The following AGRN variants were observed in gnomAD, a reference collection of about 807,000 sequenced individuals.
AGRN encodes agrin proteoglycan.
A neutral mutation model predicts 211.0 loss-of-function variants in AGRN; 106 were observed. The observed-to-expected ratio is 0.50, with a 90% CI of 0.43 to 0.59. The LOEUF is 0.59. Ranked by LOEUF, AGRN falls within the 20% of genes least tolerant of loss-of-function variation. The pLI is 0.00. For missense variants in AGRN, 3,040 were observed against 2,982.6 expected (o/e 1.02, Z -0.45); for synonymous variants, 1,525 against 1,332.5 (o/e 1.14, Z -3.15).
intron 35 of AGRN, 83 bp from the exon 36 acceptor site, chr1:1,054,741 C>T (rs1645405642): frequency 5.9e-6 from 9 of 1,522,210 alleles, no homozygotes; most frequent in Non-Finnish European, 7.0e-6. Flanking sequence ...CAGGTGTGGG[C>T]CCCCTGCTGG....
In AGRN at chr1:1,041,583, A is replaced by T; in HGVS notation, c.1058A>T (p.Gln353Leu). The T allele has an allele frequency of 6.2e-7, 1 of 1,606,078 alleles. No individual in the cohort carries two copies. Among genetic ancestry groups the T allele is most frequent in the African/African-American group, 1.3e-5 (1 of 74,470 alleles). The change falls in exon 6 of 36, where the codon CAG becomes CTG. Residue 353 changes from glutamine to leucine, a missense_variant. Transcript: ENST00000379370. ...LLRPESCPAR[Q>L]APVCGDDGVT... ...CGGCCCGAGAGCTGCCCTGCCCGGC[A>T]GGCGCCAGTGTGTGGGGACGACGGA...
At chr1:1,053,687 C>G in intron 33 of AGRN, 66 bp from the exon 34 acceptor site, 1 of 1,441,560 alleles carries the variant, frequency 6.9e-7, no homozygotes, top group Non-Finnish European at 9.5e-7. Flanking sequence ...CCCTTGTCCT[C>G]CCGCCTCCCC....
Position 1,053,855 on chromosome 1 carries a change from T to C in AGRN, c.5754T>C (p.Tyr1918=), listed in dbSNP as rs748686387. Residue 1918 remains tyrosine (Y), a synonymous_variant, in exon 34 of 36, where the codon TAT becomes TAC. Coordinates refer to ENST00000379370, the MANE Select transcript of AGRN (RefSeq NM_198576.4). ...WSGKATERAD[Y]VALAIVDGHL... is the part of the protein sequence containing the mutation. ...GCAAGGCCACGGAGCGGGCAGACTA[T>C]GTGGCACTGGCCATTGTGGACGGGC... 1 of 1,610,750 alleles carries C rather than the reference T, an allele frequency of 6.2e-7. No homozygotes were observed. Among genetic ancestry groups the C allele is most frequent in the Non-Finnish European group, 8.5e-7 (1 of 1,179,220 alleles).
chr1:1,038,893 G>A (rs1644861540), intron 3 of AGRN, among the ~76,000 whole-genome samples: 1 of 152,218 alleles, frequency 6.6e-6, no homozygotes, highest in Admixed American at 6.5e-5. Context: ...GAAAGGGCCA[G>A]GGGTGCATGT....
Position 1,046,574 on chromosome 1 carries a change from TC to T in AGRN, c.3093del (p.Arg1032GlyfsTer8). ...TCACGACCTCGGACCACTGCCAGCG[TC>T]CCCAGGACCACCGTGTGGCCCGTGC... ...PSSRPRTTAS[V>X]PRTTVWPVLT... On this transcript the variant is annotated frameshift_variant, in exon 18 of 36. Coordinates refer to ENST00000379370, the MANE Select transcript of AGRN (RefSeq NM_198576.4). LOFTEE classifies it high-confidence loss of function. 1 of 1,607,774 alleles carries T rather than the reference TC, an allele frequency of 6.2e-7. No homozygotes were observed.
rs146501365 is a variant in AGRN, at chr1:1,021,432, C to G, written c.202-769C>G. Among the ~76,000 whole-genome samples, 757 of 152,352 alleles carry G rather than the reference C, an allele frequency of 5.0e-3. 9 individuals carry two copies. Among genetic ancestry groups the G allele is most frequent in the South Asian group, 0.023 (113 of 4,826 alleles). On this transcript the variant is annotated intron_variant, in intron 1 of 35. Coordinates refer to ENST00000379370, the MANE Select transcript of AGRN (RefSeq NM_198576.4). Reference sequence around the variant, plus strand: ...CCCTGCGGATGCCGCAGTCCTGAGGCTCCCAGCAGGGGCTGCGCAGTGGAC... The same window carrying G: ...CCCTGCGGATGCCGCAGTCCTGAGGGTCCCAGCAGGGGCTGCGCAGTGGAC...
intron 2 of AGRN, among the ~76,000 whole-genome samples, chr1:1,022,911 G>A (rs1485212083): frequency 6.6e-6 from 1 of 152,264 alleles, no homozygotes; most frequent in Non-Finnish European, 1.5e-5. Flanking sequence ...GGCTTCTGCG[G>A]ATGTGGAGGG....
At chr1:1,053,701 CCT>C in intron 33 of AGRN, 50 bp from the exon 34 acceptor site, 1 of 1,543,354 alleles carries the variant, frequency 6.5e-7, no homozygotes, top group Non-Finnish European at 8.8e-7. Context: ...CCTCCCCCAC[CCT>C]GTCCTGTTGC....
intron 2 of AGRN, among the ~76,000 whole-genome samples, chr1:1,023,955 C>T (rs1644464943): frequency 6.6e-6 from 1 of 152,114 alleles, no homozygotes; most frequent in African/African-American, 2.4e-5. Context: ...CAGTATGCAG[C>T]TTGGGGAGCA....
intron 1 of AGRN, among the ~76,000 whole-genome samples, chr1:1,021,202 G>A (rs1472191245): frequency 6.6e-6 from 1 of 152,192 alleles, no homozygotes; most frequent in South Asian, 2.1e-4. Flanking sequence ...CTCCCCCGCC[G>A]GCCCAGTCTC....
intron 2 of AGRN, among the ~76,000 whole-genome samples, chr1:1,027,132 C>T (rs1644537888): frequency 6.6e-6 from 1 of 152,360 alleles, no homozygotes; most frequent in African/African-American, 2.4e-5. Flanking sequence ...CTCCCAGCCC[C>T]CTCCTCCTGC....
intron 3 of AGRN, among the ~76,000 whole-genome samples, chr1:1,036,493 C>T (rs969617934): frequency 6.6e-6 from 1 of 152,262 alleles, no homozygotes; most frequent in East Asian, 1.9e-4. Flanking sequence ...CTGTGCTTTG[C>T]TCCTGAAGCC....
rs749022540 is a variant in AGRN at position 1,045,462 on chromosome 1, C to T, written c.2475C>T (p.Arg825=). 3 of 1,612,872 alleles carry T rather than the reference C, an allele frequency of 1.9e-6. No homozygotes were observed. Among genetic ancestry groups the T allele is most frequent in the East Asian group, 2.2e-5 (1 of 44,882 alleles). Residue 825 remains arginine, a synonymous_variant, in exon 14 of 36, where the codon CGC becomes CGT. Transcript: ENST00000379370. ...RPGVGGLRCD[R]CEPGFWNFRG... ...GTGTGGGGGGCCTCAGGTGTGACCG[C>T]TGTGAGCCTGGCTTCTGGAACTTTC...
rs755949709 is a variant in AGRN at position 1,022,379 on chromosome 1, C to T, written c.380C>T (p.Ala127Val). Residue 127 changes from alanine (A) to valine (V), a missense_variant, in exon 2 of 36, where the codon GCC (alanine) becomes GTC (valine). Physicochemically the swap from Ala to Val is moderately conservative, Grantham distance 64. Transcript: ENST00000379370. ...CCTGCACCCCCATACCTGTGGCCAG[C>T]CCACAAGAACGAGCTGATGCTCAAC... is the stretch of plus-strand genomic sequence containing the variant. The part of the protein sequence containing the change: ...VNPAPPYLWP[A>V]HKNELMLNSS... The T allele has an allele frequency of 6.2e-7, 1 of 1,613,370 alleles. No individual in the cohort carries two copies. Among genetic ancestry groups the T allele is most frequent in the South Asian group, 1.1e-5 (1 of 91,082 alleles).
At chr1:1,029,093 C>T (rs1035169933) in intron 2 of AGRN, among the ~76,000 whole-genome samples, 2 of 148,526 alleles carry the variant, frequency 1.3e-5, no homozygotes, top group East Asian at 2.0e-4. Flanking sequence ...GGGCCAAGGG[C>T]GCCCACAGCC....
At chr1:1,039,876 A>G (rs1420306036) in intron 3 of AGRN, among the ~76,000 whole-genome samples, 1 of 151,784 alleles carries the variant, frequency 6.6e-6, no homozygotes, top group Non-Finnish European at 1.5e-5. Flanking sequence ...GAGGCTGCAG[A>G]AGGGCACAGG....
At position 1,050,976 on chromosome 1, in the gene AGRN, C is replaced by G. The variant is rs536641452; in HGVS notation, c.5253+139C>G. On this transcript the variant is annotated intron_variant, in intron 30 of 35. Coordinates refer to ENST00000379370, the MANE Select transcript of AGRN (RefSeq NM_198576.4). The stretch of plus-strand genomic sequence containing the variant: ...CCGCCTGCCCTGTCCTCTGCCTCCT[C>G]TGCCTCCCTGCTCTCTGCTCTCGCT... The G allele has an allele frequency of 1.2e-5, 19 of 1,550,878 alleles. No individual in the cohort carries two copies. The South Asian group carries it at 1.8e-4, about 15-fold the overall frequency.
rs752866873 is a variant in AGRN at position 1,022,434 on chromosome 1, C to A, written c.435C>A (p.Asn145Lys). Residue 145 changes from asparagine to lysine, a missense_variant, in exon 2 of 36, where the codon AAC (asparagine) becomes AAA (lysine). Physicochemically the swap from Asn to Lys is moderately conservative, Grantham distance 94. Transcript: ENST00000379370. Reference protein sequence around the residue: ...NSSLMRITLRNLEEVEFCVED... With the variant: ...NSSLMRITLRKLEEVEFCVED... ...GCCTCATGCGGATCACCCTGCGGAA[C>A]CTGGAGGAGGTGGAGTTCTGTGTGG... 3.7e-6 allele frequency: 6 copies of A among 1,611,932 alleles called. No homozygotes were observed. Among genetic ancestry groups the A allele is most frequent in the South Asian group, 1.1e-5 (1 of 91,084 alleles).
At chr1:1,028,552 G>C (rs55719716) in intron 2 of AGRN, among the ~76,000 whole-genome samples, 110 of 110,970 alleles carry the variant, frequency 9.9e-4, no homozygotes, top group African/African-American at 1.9e-3. Flanking sequence ...GGCACCCACA[G>C]CCACGCCACC....
Sources: allele counts gnomAD v4.1 joint callset (sites outside exome capture counted in the v4.1 genomes callset), GRCh38; gene constraint gnomAD v4.1.1; transcripts MANE v1.5; gene names NCBI Gene and HGNC (gene_info 2026-07-23, HGNC 2026-07-21).